The following MOBP variants were observed in gnomAD, a reference collection of about 807,000 sequenced individuals.
MOBP encodes the protein myelin associated oligodendrocyte basic protein.
A neutral mutation model predicts 15.0 loss-of-function variants in MOBP; 5 were observed. That is an observed-to-expected ratio of 0.33 (90% confidence interval 0.17 to 0.70). The LOEUF is 0.70. MOBP is among the 30% of genes least tolerant of loss of function. The probability of loss-of-function intolerance (pLI) is 0.67; values close to 1 mark genes in which losing one functional copy is unlikely to be tolerated. For missense variants in MOBP, 188 were observed against 257.8 expected, an observed-to-expected ratio of 0.73 and a Z score of 1.85; for synonymous variants, 88 against 99.0, an observed-to-expected ratio of 0.89 and a Z score of 0.66.
chr3:39,489,367 C>T (rs1383797861), intron 2 of MOBP, among the ~76,000 whole-genome samples: 1 of 152,156 alleles, frequency 6.6e-6, no homozygotes, highest in Non-Finnish European at 1.5e-5. Flanking sequence ...ACCCTAAGCT[C>T]TGTGAGCATA....
chr3:39,478,767 C>T (rs2042578971), intron 1 of MOBP, among the ~76,000 whole-genome samples: 1 of 152,086 alleles, frequency 6.6e-6, no homozygotes, highest in Admixed American at 6.6e-5. Flanking sequence ...TTTATTGTTT[C>T]AGCAGGAGTT....
rs572975679 is a variant in MOBP, at chr3:39,493,017, G to A, written c.-4-9049G>A. ...CATGCAGATATGAAGGGGCAAGTGG[G>A]CTGCAGCATGTCAACTTACCACTTG... On this transcript the variant is annotated intron_variant, in intron 2 of 3. Coordinates refer to ENST00000684792, the MANE Select transcript of MOBP (RefSeq NM_001393704.1). Among the ~76,000 whole-genome samples, 222 of 152,314 alleles carry A rather than the reference G, an allele frequency of 1.5e-3. 6 individuals carry two copies. In the South Asian group the frequency reaches 0.044, roughly 30 times the overall value.
chr3:39,490,336 A>T (rs966761275), intron 2 of MOBP, among the ~76,000 whole-genome samples: 6 of 152,180 alleles, frequency 3.9e-5, no homozygotes, highest in African/African-American at 1.4e-4. Flanking sequence ...AGGTTAAAAG[A>T]TTTTATTGCT....
At chr3:39,498,624 T>C (rs2125651952) in intron 2 of MOBP, among the ~76,000 whole-genome samples, 1 of 152,350 alleles carries the variant, frequency 6.6e-6, no homozygotes, top group Non-Finnish European at 1.5e-5. Flanking sequence ...ATAAACATTT[T>C]ACTAAAGGAG....
At chr3:39,475,917 T>C (rs961625352) in intron 1 of MOBP, among the ~76,000 whole-genome samples, 11 of 152,244 alleles carry the variant, frequency 7.2e-5, no homozygotes, top group African/African-American at 2.7e-4. Context: ...AAAATTTGGT[T>C]ATTACTTGTT....
In MOBP at chr3:39,502,209, G is replaced by A. The variant is rs1319826775; in HGVS notation, c.140G>A (p.Cys47Tyr). Reference protein sequence around the residue: ...KEIVDRKYSICKSGCFYQKKE... With the variant: ...KEIVDRKYSIYKSGCFYQKKE... ...ATAGTGGATCGGAAATACAGCATCT[G>A]TAAGAGCGGCTGCTTCTACCAGAAG... Residue 47 changes from cysteine to tyrosine, a missense_variant, in exon 3 of 4, where the codon TGT becomes TAT. This residue lies in a region of MOBP where 133 missense variants were observed against 212.5 expected (regional missense o/e 0.63). Coordinates refer to ENST00000684792, the MANE Select transcript of MOBP (RefSeq NM_001393704.1). The surrounding 1 kb of genome is among the most constrained non-coding windows in gnomAD (Gnocchi z 6.3). 1.2e-6 allele frequency: 2 copies of A among 1,614,120 alleles called. No individual in the cohort carries two copies. The highest frequency in any genetic ancestry group is 1.7e-6 in the Non-Finnish European group (2 of 1,180,046).
At chr3:39,486,148 T>C (rs1402014288) in intron 2 of MOBP, among the ~76,000 whole-genome samples, 3 of 152,198 alleles carry the variant, frequency 2.0e-5, no homozygotes, top group Non-Finnish European at 2.9e-5. Flanking sequence ...AGGAGCATGG[T>C]GTCAGGGTTA....
At chr3:39,476,774 T>A (rs148967173) in intron 1 of MOBP, among the ~76,000 whole-genome samples, 19 of 152,290 alleles carry the variant, frequency 1.2e-4, no homozygotes, top group African/African-American at 3.4e-4. Context: ...TTTGATTTTT[T>A]AAAAAAATTC....
intron 4 of MOBP, among the ~76,000 whole-genome samples, chr3:39,512,436 G>C (rs2043132044): frequency 6.6e-6 from 1 of 152,116 alleles, no homozygotes; most frequent in Non-Finnish European, 1.5e-5. Context: ...AATTTCAAGG[G>C]ATGTGTTCCA....
At position 39,468,780 on chromosome 3, in the gene MOBP, ATATACATGTGTGTGTATATATACATATG is replaced by A. The variant is rs1208666501; in HGVS notation, c.-89+1042_-89+1069del. Among the ~76,000 whole-genome samples, 4 of 88,814 alleles carry A rather than the reference ATATACATGTGTGTGTATATATACATATG, an allele frequency of 4.5e-5. 1 individual carries two copies. The highest frequency in any genetic ancestry group is 6.3e-5 in the Non-Finnish European group (3 of 47,536). 58.3% of individuals were successfully genotyped at this position (88,814 alleles called of 152,430 possible). A position where few individuals can be genotyped will look rare whatever the true frequency, so the allele number is the denominator to read the frequency against. Reference sequence around the variant, plus strand: ...TATACATGTGTGTGTATATATACATATATACATGTGTGTGTATATATACATATGTGTGTGTATACATATTACATATGTG... The same window carrying A: ...TATACATGTGTGTGTATATATACATATGTGTGTATACATATTACATATGTG... On this transcript the variant is annotated intron_variant, in intron 1 of 3. Transcript: ENST00000684792.
downstream of MOBP, among the ~76,000 whole-genome samples, chr3:39,503,514 A>G (rs2125658079): frequency 6.6e-6 from 1 of 150,854 alleles, no homozygotes; most frequent in South Asian, 2.1e-4. Context: ...ACATGGGACC[A>G]TGAGAACCAT....
Position 39,502,056 on chromosome 3 carries a change from C to T in MOBP, c.-4-10C>T, listed in dbSNP as rs764809086. ...GTCTCCTCCTGTCTCCTTGCATCGG[C>T]GATTTCCAGTGAGATGAGTCAGAAA... On this transcript the variant is annotated splice_polypyrimidine_tract_variant and intron_variant, in intron 2 of 3. Coordinates refer to ENST00000684792, the MANE Select transcript of MOBP (RefSeq NM_001393704.1). The surrounding 1 kb of genome is among the most constrained non-coding windows in gnomAD (Gnocchi z 6.3). 1 of 1,612,386 alleles carries T rather than the reference C, an allele frequency of 6.2e-7. No individual in the cohort carries two copies.
At chr3:39,496,570 T>G (rs1313836271) in intron 2 of MOBP, among the ~76,000 whole-genome samples, 2 of 151,798 alleles carry the variant, frequency 1.3e-5, no homozygotes, top group Admixed American at 1.3e-4. Flanking sequence ...GTTGGCTCAC[T>G]GCAAACTCTG....
At position 39,502,399 on chromosome 3, in the gene MOBP, C is replaced by T; in HGVS notation, c.206+124C>T. The stretch of plus-strand genomic sequence containing the variant: ...TCGGCTCCGGGTTAGGCTCCGACAC[C>T]GGAAGGCACTCCAGGGAGACTGGAA... On this transcript the variant is annotated intron_variant, in intron 3 of 3. Coordinates refer to ENST00000684792, the MANE Select transcript of MOBP (RefSeq NM_001393704.1). The surrounding 1 kb of genome is among the most constrained non-coding windows in gnomAD (Gnocchi z 6.3). The T allele has an allele frequency of 2.6e-6, 4 of 1,533,112 alleles. No homozygotes were observed. Among genetic ancestry groups the T allele is most frequent in the Non-Finnish European group, 3.5e-6 (4 of 1,143,706 alleles). 95.0% of individuals were successfully genotyped at this position (1,533,112 alleles called of 1,614,324 possible).
chr3:39,483,727 A>G (rs1174372082), intron 2 of MOBP, among the ~76,000 whole-genome samples: 1 of 152,254 alleles, frequency 6.6e-6, no homozygotes, highest in Non-Finnish European at 1.5e-5. Context: ...GGAGAAACAA[A>G]TCATCCTTAT....
Position 39,479,333 on chromosome 3 carries a change from A to T in MOBP, c.-88-707A>T, listed in dbSNP as rs555067622. On this transcript the variant is annotated intron_variant, in intron 1 of 3. Transcript: ENST00000684792. ...ATGATCAACTAAGAGAACCAACTAG[A>T]ATTACAGGGTTCTTTTGGAAGCTAT... Among the ~76,000 whole-genome samples, 4 of 152,182 alleles carry T rather than the reference A, an allele frequency of 2.6e-5. No individual in the cohort carries two copies. In the East Asian group the frequency reaches 7.7e-4, roughly 29 times the overall value.
At chr3:39,503,381 G>A (rs186427629), downstream of MOBP, among the ~76,000 whole-genome samples, 1 of 152,288 alleles carries the variant, frequency 6.6e-6, no homozygotes, top group Admixed American at 6.5e-5. Flanking sequence ...TCCATTTGAT[G>A]TGCTGGGGGA....
At chr3:39,520,461 G>T (rs1045522697), downstream of MOBP, among the ~76,000 whole-genome samples, 1 of 151,938 alleles carries the variant, frequency 6.6e-6, no homozygotes, top group Admixed American at 6.6e-5. Flanking sequence ...AGCTCTTGGG[G>T]TCCTAATAAG....
downstream of MOBP, among the ~76,000 whole-genome samples, chr3:39,520,288 T>G (rs1014632138): frequency 1.3e-5 from 2 of 152,236 alleles, no homozygotes; most frequent in Admixed American, 1.3e-4. Context: ...TTATGTTGGA[T>G]AAGTTCTATC....
Sources: gnomAD v4.1 joint callset for allele counts (sites outside exome capture counted in the v4.1 genomes callset) on GRCh38, gnomAD v4.1.1 for gene constraint, gnomAD v4.1.1 regional missense constraint, Gnocchi (gnomAD v3.1) non-coding constraint, MANE v1.5 for transcripts, NCBI Gene and HGNC (gene_info 2026-07-23, HGNC 2026-07-21) for gene names.